The following ADAMTS16 variants were observed in gnomAD, a reference collection of about 807,000 sequenced individuals.
ADAMTS16 encodes the protein A disintegrin and metalloproteinase with thrombospondin motifs 16.
In ADAMTS16, 94 loss-of-function variants were observed where a neutral mutation model predicts 145.8. The ratio of observed to expected loss-of-function variants is 0.64; its 90% CI spans 0.55 to 0.77. The LOEUF (loss-of-function observed/expected upper bound fraction) is 0.77, where lower values mean the gene tolerates loss of function less well. ADAMTS16 is among the 30% of genes least tolerant of loss of function. The probability of loss-of-function intolerance (pLI) is 0.00; values close to 1 mark genes in which losing one functional copy is unlikely to be tolerated. For missense variants in ADAMTS16, 1,585 were observed against 1,591.5 expected (o/e 1.00, Z 0.07); for synonymous variants, 659 against 604.3 (o/e 1.09, Z -1.33).
chr5:5,147,846 G>A (rs1017858514), intron 3 of ADAMTS16, among the ~76,000 whole-genome samples: 39 of 152,116 alleles, frequency 2.6e-4, no homozygotes, highest in African/African-American at 9.4e-4. Flanking sequence ...GGGTAATTTT[G>A]GATTTGGTTG....
intron 6 of ADAMTS16, among the ~76,000 whole-genome samples, chr5:5,188,123 G>C (rs1290218419): frequency 3.3e-5 from 5 of 152,162 alleles, no homozygotes; most frequent in Admixed American, 6.5e-5. Context: ...ATATATCTTA[G>C]CCATCGTGAG....
At chr5:5,223,088 A>G (rs1004050847) in intron 11 of ADAMTS16, 1 of 556,392 alleles carries the variant, frequency 1.8e-6, no homozygotes, top group African/African-American at 1.9e-5. Flanking sequence ...AATAAAATTG[A>G]TGAGCTACCT....
chr5:5,166,585 G>A (rs755573), intron 3 of ADAMTS16, among the ~76,000 whole-genome samples: 1 of 151,994 alleles, frequency 6.6e-6, no homozygotes, highest in African/African-American at 2.4e-5. Context: ...AGTAGAGGGT[G>A]ATCTGGTTTA....
intron 3 of ADAMTS16, among the ~76,000 whole-genome samples, chr5:5,149,738 A>G (rs555848275): frequency 6.6e-5 from 10 of 152,284 alleles, no homozygotes; most frequent in Admixed American, 2.0e-4. Flanking sequence ...TAATTTCCCC[A>G]TTCCCATCCT....
chr5:5,232,309 A>C, intron 11 of ADAMTS16, 59 bp from the exon 12 acceptor site: 1 of 1,607,150 alleles, frequency 6.2e-7, no homozygotes, highest in Non-Finnish European at 8.5e-7. Flanking sequence ...CAGTGATGAG[A>C]TGAACCCATC....
intron 4 of ADAMTS16, 141 bp from the exon 5 acceptor site, chr5:5,185,911 C>T (rs1050362428): frequency 2.9e-6 from 2 of 699,676 alleles, no homozygotes; most frequent in Admixed American, 2.3e-5. Flanking sequence ...ATACAAGTTT[C>T]TGCATCACAA....
chr5:5,267,792 C>T (rs559411613), intron 18 of ADAMTS16, among the ~76,000 whole-genome samples: 2 of 152,350 alleles, frequency 1.3e-5, no homozygotes, highest in South Asian at 4.1e-4. Context: ...TCACCTAGGT[C>T]CATGGGCACA....
chr5:5,146,032 G>T, intron 2 of ADAMTS16, 98 bp from the exon 3 acceptor site: 1 of 1,059,124 alleles, frequency 9.4e-7, no homozygotes, highest in Non-Finnish European at 1.4e-6. Context: ...TGACTGGGTG[G>T]AAAGGTCATG....
At chr5:5,219,946 A>T (rs941912773) in intron 10 of ADAMTS16, among the ~76,000 whole-genome samples, 6 of 152,188 alleles carry the variant, frequency 3.9e-5, no homozygotes, top group African/African-American at 1.4e-4. Context: ...AGTCTGAATC[A>T]TGGTCATCTT....
chr5:5,256,411 T>C (rs1325913602), intron 17 of ADAMTS16, among the ~76,000 whole-genome samples: 3 of 152,232 alleles, frequency 2.0e-5, no homozygotes, highest in Non-Finnish European at 4.4e-5. Context: ...AAGGCAAAAC[T>C]TGCACCTGCA....
intron 21 of ADAMTS16, among the ~76,000 whole-genome samples, chr5:5,316,592 C>G (rs566749050): frequency 1.3e-5 from 2 of 152,288 alleles, no homozygotes; most frequent in East Asian, 3.9e-4. Context: ...GTGCATTATG[C>G]CAGCTCATGA....
intron 17 of ADAMTS16, among the ~76,000 whole-genome samples, chr5:5,249,514 T>A (rs1440509180): frequency 2.0e-5 from 3 of 152,030 alleles, no homozygotes; most frequent in African/African-American, 7.2e-5. Flanking sequence ...CACAAGCAGA[T>A]GGGTATAGGA....
chr5:5,205,584 A>G (rs1423834841), intron 9 of ADAMTS16, among the ~76,000 whole-genome samples: 2 of 152,236 alleles, frequency 1.3e-5, no homozygotes, highest in African/African-American at 4.8e-5. Flanking sequence ...CTGTTTCTCC[A>G]CATTCTCATC....
intron 18 of ADAMTS16, among the ~76,000 whole-genome samples, chr5:5,267,049 C>G (rs1349117767): frequency 6.6e-6 from 1 of 152,182 alleles, no homozygotes; most frequent in South Asian, 2.1e-4. Context: ...GGGAAAATCT[C>G]TTTGGAATTG....
At chr5:5,307,157 G>A (rs570256597) in intron 21 of ADAMTS16, among the ~76,000 whole-genome samples, 4 of 152,188 alleles carry the variant, frequency 2.6e-5, no homozygotes, top group Admixed American at 1.3e-4. Flanking sequence ...ATGGAGCGGG[G>A]GTTCCTTCCT....
intron 7 of ADAMTS16, 29 bp downstream of exon 7, chr5:5,190,159 C>A (rs564081784): frequency 1.3e-6 from 2 of 1,542,952 alleles, no homozygotes; most frequent in African/African-American, 2.8e-5. Flanking sequence ...GTGTGAGGAC[C>A]GTGTGTGGAA....
chr5:5,186,779 G>A (rs1735513865), intron 5 of ADAMTS16, among the ~76,000 whole-genome samples: 1 of 152,212 alleles, frequency 6.6e-6, no homozygotes, highest in African/African-American at 2.4e-5. Flanking sequence ...ACTGAAGAGT[G>A]ATGAGAGGTA....
At chr5:5,262,487 G>A (rs1472593571) in intron 17 of ADAMTS16, among the ~76,000 whole-genome samples, 170 bp from the exon 18 acceptor site, 2 of 152,350 alleles carry the variant, frequency 1.3e-5, no homozygotes, top group East Asian at 3.9e-4. Context: ...TACAACTTAT[G>A]AAGACAGGTC....
At chr5:5,150,901 T>C (rs2619786) in intron 3 of ADAMTS16, among the ~76,000 whole-genome samples, 2,413 of 152,348 alleles carry the variant, frequency 0.016, 33 homozygotes, top group Non-Finnish European at 0.025. Flanking sequence ...TTATGCACAT[T>C]GCATTATGCA....
Sources: allele counts gnomAD v4.1 joint callset (sites outside exome capture counted in the v4.1 genomes callset), GRCh38; gene constraint gnomAD v4.1.1; transcripts MANE v1.5; gene names NCBI Gene and HGNC (gene_info 2026-07-23, HGNC 2026-07-21).